ALDH1A2: variants seen among roughly 807,000 people sequenced by gnomAD.
ALDH1A2 encodes the protein retinal dehydrogenase 2.
A neutral mutation model predicts 60.3 loss-of-function variants in ALDH1A2; 27 were observed. The observed-to-expected ratio is 0.45, with a 90% CI of 0.33 to 0.62. The LOEUF is 0.62. ALDH1A2 is among the 20% of genes least tolerant of loss of function. The probability of loss-of-function intolerance (pLI) is 0.02; values close to 1 mark genes in which losing one functional copy is unlikely to be tolerated. For synonymous variants in ALDH1A2, 289 were observed against 232.4 expected, an observed-to-expected ratio of 1.24 and a Z score of -2.21; for missense variants, 581 against 643.8, an observed-to-expected ratio of 0.90 and a Z score of 1.06.
chr15:58,031,476 C>T (rs1896238784), intron 1 of ALDH1A2, among the ~76,000 whole-genome samples: 2 of 152,144 alleles, frequency 1.3e-5, no homozygotes, highest in Non-Finnish European at 2.9e-5. Context: ...ATGACTAAAA[C>T]ACCAAAGCAA....
At chr15:58,028,626 C>T (rs141529736) in intron 1 of ALDH1A2, among the ~76,000 whole-genome samples, 1 of 152,184 alleles carries the variant, frequency 6.6e-6, no homozygotes, top group African/African-American at 2.4e-5. Context: ...AGAGTCAAGA[C>T]CCATAAGTAT....
At chr15:58,030,494 C>G (rs1258250852) in intron 1 of ALDH1A2, among the ~76,000 whole-genome samples, 1 of 152,160 alleles carries the variant, frequency 6.6e-6, no homozygotes, top group Non-Finnish European at 1.5e-5. Context: ...CAAGGATGCC[C>G]TCCCTCACCA....
chr15:58,064,195 C>A (rs910305516), intron 1 of ALDH1A2, among the ~76,000 whole-genome samples: 1 of 152,086 alleles, frequency 6.6e-6, no homozygotes, highest in Admixed American at 6.5e-5. Flanking sequence ...TTTCCCTGCT[C>A]GTTCCTAAAC....
chr15:58,001,857 G>T (rs1895285948), intron 4 of ALDH1A2, among the ~76,000 whole-genome samples: 1 of 151,898 alleles, frequency 6.6e-6, no homozygotes, highest in Non-Finnish European at 1.5e-5. Flanking sequence ...GACTGCATTT[G>T]ATGGGGACAC....
chr15:58,008,688 T>A (rs1396713942), intron 4 of ALDH1A2, among the ~76,000 whole-genome samples: 1 of 152,130 alleles, frequency 6.6e-6, no homozygotes, highest in African/African-American at 2.4e-5. Context: ...GTTGTTTTAA[T>A]AATGAAATGA....
At chr15:57,980,452 G>T (rs1250451085) in intron 7 of ALDH1A2, 1 of 340,480 alleles carries the variant, frequency 2.9e-6, no homozygotes, top group East Asian at 7.9e-5. Flanking sequence ...GCTGCAGCTT[G>T]TTCATGAGTA....
intron 12 of ALDH1A2, among the ~76,000 whole-genome samples, chr15:57,958,897 T>G (rs1223635256): frequency 2.6e-5 from 4 of 152,178 alleles, no homozygotes; most frequent in African/African-American, 9.7e-5. Flanking sequence ...TAATTATTTT[T>G]TAACTGCACT....
Position 58,014,419 on chromosome 15 carries a change from C to G in ALDH1A2, c.118-138G>C, listed in dbSNP as rs755690339. 1.5e-4 allele frequency: 117 copies of G among 772,990 alleles called. 1 individual carries two copies. The highest frequency in any genetic ancestry group is 2.2e-4 in the Non-Finnish European group (99 of 449,948). 47.9% of individuals were successfully genotyped at this position (772,990 alleles called of 1,614,324 possible). A position where few individuals can be genotyped will look rare whatever the true frequency, so the allele number is the denominator to read the frequency against. On this transcript the variant is annotated intron_variant, in intron 1 of 12. Transcript: ENST00000249750. ...TACAATTTGAAGTGTTTTAAGAGAC[C>G]CTTCTAGACTCAACGCCAATTTAGG... is the stretch of plus-strand genomic sequence containing the variant.
chr15:58,064,657 C>G (rs7171261), intron 1 of ALDH1A2, among the ~76,000 whole-genome samples: 71,804 of 151,960 alleles, frequency 0.47, 17,396 homozygotes, highest in Non-Finnish European at 0.54. Flanking sequence ...ACGTGGTTTT[C>G]AATCCCATCT....
At chr15:57,987,256 G>T (rs1353163872) in intron 7 of ALDH1A2, among the ~76,000 whole-genome samples, 2 of 151,310 alleles carry the variant, frequency 1.3e-5, no homozygotes, top group Non-Finnish European at 2.9e-5. Context: ...AAAAAAAAAA[G>T]ATTTGAAAAA....
rs539823009 is a variant in ALDH1A2 at position 57,971,901 on chromosome 15, AT to A, written c.799-6075del. Among the ~76,000 whole-genome samples, 4 of 150,534 alleles carry A rather than the reference AT, an allele frequency of 2.7e-5. No individual in the cohort carries two copies. In the South Asian group the frequency reaches 6.3e-4, roughly 24 times the overall value. On this transcript the variant is annotated intron_variant, in intron 7 of 12. Transcript: ENST00000249750. ...ACCAAGCCTGGCTAATTTATTTTTT[AT>A]TTTTTTTTGCAAAGACTGGGGCTTG...
intron 4 of ALDH1A2, 100 bp from the exon 5 acceptor site, chr15:57,995,239 A>C (rs1895017257): frequency 8.5e-6 from 7 of 825,044 alleles, no homozygotes; most frequent in Non-Finnish European, 1.2e-5. Context: ...AAAAAAAACA[A>C]ACAGAAATAA....
At chr15:57,956,850 C>T (rs1394056650) in intron 12 of ALDH1A2, among the ~76,000 whole-genome samples, 1 of 152,152 alleles carries the variant, frequency 6.6e-6, no homozygotes, top group African/African-American at 2.4e-5. Context: ...CACACTTCAC[C>T]CCCATGTGAC....
chr15:58,063,464 T>TA (rs776693486), intron 1 of ALDH1A2, among the ~76,000 whole-genome samples: 34 of 152,310 alleles, frequency 2.2e-4, no homozygotes, highest in African/African-American at 6.7e-4. Context: ...TGTTTGTTTT[T>TA]AAAAAACTCA....
intron 7 of ALDH1A2, among the ~76,000 whole-genome samples, chr15:57,986,232 C>G (rs555805530): frequency 6.6e-6 from 1 of 152,202 alleles, no homozygotes; most frequent in South Asian, 2.1e-4. Context: ...AAAAGGAAAT[C>G]CTTTTGTGCC....
chr15:57,987,027 T>A (rs1385149979), intron 7 of ALDH1A2, among the ~76,000 whole-genome samples: 2 of 152,066 alleles, frequency 1.3e-5, no homozygotes, highest in Admixed American at 6.6e-5. Context: ...GAAGAAAATA[T>A]AAGATATTTA....
intron 12 of ALDH1A2, among the ~76,000 whole-genome samples, chr15:57,956,302 A>C (rs923033372): frequency 1.5e-4 from 23 of 152,240 alleles, no homozygotes; most frequent in Non-Finnish European, 2.6e-4. Flanking sequence ...TCAGGAAAAA[A>C]TAAAAACAAT....
At chr15:58,049,442 T>G (rs74018832) in intron 1 of ALDH1A2, among the ~76,000 whole-genome samples, 371 of 152,256 alleles carry the variant, frequency 2.4e-3, no homozygotes, top group African/African-American at 8.5e-3. Flanking sequence ...AAGCCTAACA[T>G]AGTATGCACT....
intron 1 of ALDH1A2, among the ~76,000 whole-genome samples, chr15:58,044,003 T>C (rs1352484200): frequency 6.6e-6 from 1 of 151,974 alleles, no homozygotes; most frequent in African/African-American, 2.4e-5. Context: ...ACCCCGGATT[T>C]GTGGCAGAAT....
Sources: allele counts gnomAD v4.1 joint callset (sites outside exome capture counted in the v4.1 genomes callset), GRCh38; gene constraint gnomAD v4.1.1; transcripts MANE v1.5; gene names NCBI Gene and HGNC (gene_info 2026-07-23, HGNC 2026-07-21).